THSD7A: variants seen among roughly 807,000 people sequenced by gnomAD.
The protein encoded by THSD7A is thrombospondin type 1 domain containing 7A, also known as thrombospondin type-1 domain-containing protein 7A.
In THSD7A, 96 loss-of-function variants were observed where a neutral mutation model predicts 231.3. That is an observed-to-expected ratio of 0.41 (90% confidence interval 0.35 to 0.49). The LOEUF (loss-of-function observed/expected upper bound fraction) is 0.49. Ranked by LOEUF, THSD7A falls within the 20% of genes least tolerant of loss-of-function variation. The pLI, the probability that THSD7A is intolerant of heterozygous loss-of-function variation, is 0.05. For missense variants in THSD7A, 2,290 were observed against 2,070.2 expected (o/e 1.11, Z -2.06); for synonymous variants, 940 against 743.3 (o/e 1.26, Z -4.30).
chr7:11,600,526 G>C (rs556036763), intron 2 of THSD7A, among the ~76,000 whole-genome samples: 2 of 152,232 alleles, frequency 1.3e-5, no homozygotes, highest in African/African-American at 4.8e-5. Context: ...GAAGATGATG[G>C]TATGGACGTC....
At chr7:11,480,043 A>ATT (rs1373974242) in intron 7 of THSD7A, among the ~76,000 whole-genome samples, 1 of 152,178 alleles carries the variant, frequency 6.6e-6, no homozygotes. Context: ...TATATATACA[A>ATT]TTATTACACG....
At chr7:11,485,853 G>A (rs927049196) in intron 6 of THSD7A, among the ~76,000 whole-genome samples, 1 of 152,186 alleles carries the variant, frequency 6.6e-6, no homozygotes, top group African/African-American at 2.4e-5. Context: ...GATGAGTCCA[G>A]TGGGACATGT....
chr7:11,565,966 C>T (rs1790299992), intron 4 of THSD7A, among the ~76,000 whole-genome samples: 1 of 152,096 alleles, frequency 6.6e-6, no homozygotes. Flanking sequence ...TCTGGGTTCT[C>T]CTTTTATTAG....
At chr7:11,543,853 T>C (rs898010937) in intron 4 of THSD7A, among the ~76,000 whole-genome samples, 1 of 152,166 alleles carries the variant, frequency 6.6e-6, no homozygotes, top group Non-Finnish European at 1.5e-5. Flanking sequence ...CTTTTGTATA[T>C]ACTTGACAGT....
At chr7:11,597,098 C>A (rs984601762) in intron 2 of THSD7A, among the ~76,000 whole-genome samples, 4 of 152,194 alleles carry the variant, frequency 2.6e-5, no homozygotes, top group African/African-American at 9.6e-5. Flanking sequence ...AGATCTAGTT[C>A]TAGAAGTAGC....
intron 1 of THSD7A, among the ~76,000 whole-genome samples, chr7:11,828,212 G>A (rs1036713815): frequency 7.9e-5 from 12 of 152,164 alleles, no homozygotes; most frequent in African/African-American, 2.7e-4. Flanking sequence ...AAAGTTTATT[G>A]ATAATCTGGT....
chr7:11,555,206 C>T (rs924129302), intron 4 of THSD7A, among the ~76,000 whole-genome samples: 3 of 151,752 alleles, frequency 2.0e-5, no homozygotes, highest in East Asian at 1.9e-4. Flanking sequence ...TGTGTCTTAT[C>T]CTCTTTTCCA....
intron 6 of THSD7A, among the ~76,000 whole-genome samples, chr7:11,500,027 T>C (rs1302201517): frequency 2.0e-5 from 3 of 152,130 alleles, no homozygotes; most frequent in Non-Finnish European, 4.4e-5. Flanking sequence ...AATCATCAGA[T>C]TTTCCAAGGT....
At chr7:11,767,172 A>G (rs1446546971) in intron 1 of THSD7A, among the ~76,000 whole-genome samples, 3 of 152,200 alleles carry the variant, frequency 2.0e-5, no homozygotes, top group African/African-American at 7.2e-5. Flanking sequence ...GGTACACTGT[A>G]CATTCATTGT....
chr7:11,728,298 C>G (rs911723455), intron 1 of THSD7A, among the ~76,000 whole-genome samples: 37 of 151,920 alleles, frequency 2.4e-4, no homozygotes, highest in African/African-American at 8.7e-4. Context: ...TCAAGATTAA[C>G]CAATGCAAAG....
chr7:11,763,828 G>T (rs1048212899), intron 1 of THSD7A, among the ~76,000 whole-genome samples: 2 of 151,990 alleles, frequency 1.3e-5, no homozygotes, highest in South Asian at 2.1e-4. Flanking sequence ...ATTTCCTCAG[G>T]ATTTAAAGGT....
chr7:11,437,364 G>C (rs1266901643), intron 13 of THSD7A, among the ~76,000 whole-genome samples: 1 of 151,948 alleles, frequency 6.6e-6, no homozygotes, highest in Non-Finnish European at 1.5e-5. Context: ...ATTTAAATTC[G>C]ACCCTAGGCA....
At chr7:11,580,528 A>C (rs1370263561) in intron 4 of THSD7A, among the ~76,000 whole-genome samples, 2 of 152,154 alleles carry the variant, frequency 1.3e-5, no homozygotes, top group Non-Finnish European at 2.9e-5. Context: ...TTTTTTAAAA[A>C]ATCACCAGAA....
At chr7:11,553,846 G>GA (rs550943397) in intron 4 of THSD7A, among the ~76,000 whole-genome samples, 183 of 151,660 alleles carry the variant, frequency 1.2e-3, no homozygotes, top group African/African-American at 4.2e-3. Context: ...TCTACAAATG[G>GA]AAAAAAATAA....
intron 24 of THSD7A, among the ~76,000 whole-genome samples, chr7:11,381,160 T>C (rs975585313): frequency 2.0e-5 from 3 of 152,148 alleles, no homozygotes; most frequent in African/African-American, 7.2e-5. Context: ...AGAAAGCCTG[T>C]CTATCCCTCT....
intron 11 of THSD7A, among the ~76,000 whole-genome samples, chr7:11,448,854 G>C (rs536002773): frequency 1.0e-3 from 153 of 152,126 alleles, no homozygotes; most frequent in African/African-American, 3.4e-3. Flanking sequence ...CACATGACTT[G>C]ACTTTGGAAG....
At chr7:11,738,415 CA>C (rs1336844320) in intron 1 of THSD7A, among the ~76,000 whole-genome samples, 7 of 151,962 alleles carry the variant, frequency 4.6e-5, no homozygotes, top group African/African-American at 1.7e-4. Context: ...AGCATCTCAG[CA>C]AACACTGGTT....
chr7:11,712,398 T>C (rs1325437960), intron 1 of THSD7A, among the ~76,000 whole-genome samples: 1 of 151,050 alleles, frequency 6.6e-6, no homozygotes, highest in African/African-American at 2.4e-5. Context: ...TTTTCCTCTC[T>C]TATCACAGAA....
At chr7:11,518,715 G>A (rs17164698) in intron 6 of THSD7A, among the ~76,000 whole-genome samples, 2,194 of 152,178 alleles carry the variant, frequency 0.014, 53 homozygotes, top group African/African-American at 0.049. Context: ...TTAACTTGGT[G>A]CTCTGGAAAA....
Sources: allele counts gnomAD v4.1 joint callset (sites outside exome capture counted in the v4.1 genomes callset), GRCh38; gene constraint gnomAD v4.1.1; transcripts MANE v1.5; gene names NCBI Gene and HGNC (gene_info 2026-07-23, HGNC 2026-07-21).